The following CLN8 variants were observed in gnomAD, a reference collection of about 807,000 sequenced individuals.
The protein encoded by CLN8 is CLN8 transmembrane ER and ERGIC protein, also known as protein CLN8.
CLN8 carries 14 observed loss-of-function variants against 15.7 expected under a neutral mutation model. That is an observed-to-expected ratio of 0.89 (90% CI 0.59 to 1.39). The LOEUF is 1.39. Among genes scored for constraint, CLN8 ranks in the 40% most tolerant of loss-of-function variants. The pLI is 0.00. For synonymous variants in CLN8, 188 were observed against 151.0 expected (o/e 1.25, Z -1.80); for missense variants, 415 against 364.0 (o/e 1.14, Z -1.14).
chr8:1,769,179 T>C lies in CLN8; in HGVS notation c.-123-1753T>C, dbSNP rs138421007. Among the ~76,000 whole-genome samples the C allele has an allele frequency of 8.8e-4, 134 of 152,310 alleles. 1 individual carries two copies. The highest frequency in any genetic ancestry group is 3.0e-3 in the African/African-American group (125 of 41,576). On this transcript the variant is annotated intron_variant, in intron 1 of 2. Coordinates refer to ENST00000331222, the MANE Select transcript of CLN8 (RefSeq NM_018941.4). ...AACTCTTGTACTATTTTGCCTTTGA[T>C]TATAGACCATTATCAAAGCAAGAGG...
rs142939099 is a variant in CLN8 at position 1,777,682 on chromosome 8, A to G, written c.544-2568A>G. Among the ~76,000 whole-genome samples the G allele has an allele frequency of 2.1e-3, 318 of 152,266 alleles. 1 individual carries two copies. Among genetic ancestry groups the G allele is most frequent in the African/African-American group, 7.2e-3 (300 of 41,556 alleles). On this transcript the variant is annotated intron_variant, in intron 2 of 2. Transcript: ENST00000331222. ...CATTCATCCAGCCCTGCACAGGGTC[A>G]GGATCATCCATATCACTGTCTTCCA...
chr8:1,766,470 C>T (rs546835253), intron 1 of CLN8, among the ~76,000 whole-genome samples: 208 of 149,780 alleles, frequency 1.4e-3, no homozygotes, highest in African/African-American at 5.0e-3. Context: ...GCTCACTGCA[C>T]GTTCCGCCTT....
At chr8:1,762,125 ACT>A (rs1800812513), upstream of CLN8, 1 of 152,224 alleles carries the variant, frequency 6.6e-6, no homozygotes, top group African/African-American at 2.4e-5. Flanking sequence ...CAGATCTCTC[ACT>A]GTCTCAGTTA....
chr8:1,755,236 A>G (rs1800640929), upstream of CLN8, among the ~76,000 whole-genome samples: 1 of 152,208 alleles, frequency 6.6e-6, no homozygotes, highest in Non-Finnish European at 1.5e-5. Context: ...GACATAGACT[A>G]ACAGATGGGT....
Position 1,780,944 on chromosome 8 carries a change from C to G in CLN8, c.*377C>G, listed in dbSNP as rs1801696804. ...GCGGGTGGGTCAGCGTTGACTCTTTCCAGCTGCACACTCATATGCCGTGTG... is the reference window on the plus strand; with the variant it reads ...GCGGGTGGGTCAGCGTTGACTCTTTGCAGCTGCACACTCATATGCCGTGTG... On this transcript the variant is annotated 3_prime_UTR_variant, in exon 3 of 3. Coordinates refer to ENST00000331222, the MANE Select transcript of CLN8 (RefSeq NM_018941.4). 2 of 308,398 alleles carry G rather than the reference C, an allele frequency of 6.5e-6. No individual in the cohort carries two copies. Among genetic ancestry groups the G allele is most frequent in the African/African-American group, 2.1e-5 (1 of 46,944 alleles). 19.1% of individuals were successfully genotyped at this position (308,398 alleles called of 1,614,324 possible).
In CLN8 at chr8:1,786,286, C is replaced by G. The variant is rs3812477; in HGVS notation, c.*5719C>G. On this transcript the variant is annotated 3_prime_UTR_variant, in exon 3 of 3. Transcript: ENST00000331222. ...AGCCTTGTCACAGATGCATCGCCCA[C>G]CCTGCGGTCCTGATTTCAGCTCACC... 106,995 of 152,116 alleles carry G rather than the reference C, an allele frequency of 0.7. 37,928 individuals are homozygous for G. The highest frequency in any genetic ancestry group is 0.78 in the South Asian group (3,773 of 4,830). 9.4% of individuals were successfully genotyped at this position (152,116 alleles called of 1,614,324 possible).
chr8:1,767,197 G>A (rs756479001), intron 1 of CLN8, among the ~76,000 whole-genome samples: 5 of 152,334 alleles, frequency 3.3e-5, no homozygotes, highest in Non-Finnish European at 5.9e-5. Context: ...AGTTAGACTA[G>A]AACAGCACCA....
In CLN8 at chr8:1,780,591, C is replaced by T. The variant is rs201638390; in HGVS notation, c.*24C>T. Reference sequence around the variant, plus strand: ...AGCTGCTCCAGCCGGGGCTCCGGGGCGGCAGCAGAGCTGGCACACCGATTC... The same window carrying T: ...AGCTGCTCCAGCCGGGGCTCCGGGGTGGCAGCAGAGCTGGCACACCGATTC... On this transcript the variant is annotated 3_prime_UTR_variant, in exon 3 of 3. Transcript: ENST00000331222. The T allele has an allele frequency of 7.1e-4, 1,149 of 1,608,992 alleles. 4 individuals carry two copies. The highest frequency in any genetic ancestry group is 3.1e-3 in the South Asian group (282 of 90,998).
At chr8:1,770,743 C>G (rs537628395) in intron 1 of CLN8, among the ~76,000 whole-genome samples, 189 bp from the exon 2 acceptor site, 1 of 152,246 alleles carries the variant, frequency 6.6e-6, no homozygotes, top group African/African-American at 2.4e-5. Flanking sequence ...ACCGCTCTAG[C>G]TTTAGTTTCA....
chr8:1,761,977 G>A (rs971577431), upstream of CLN8: 3 of 152,186 alleles, frequency 2.0e-5, no homozygotes, highest in Middle Eastern at 3.2e-3. Context: ...GTCCTACAAA[G>A]GCAGTCTAGT....
chr8:1,772,869 A>C (rs776352657), intron 2 of CLN8: 2 of 398,356 alleles, frequency 5.0e-6, no homozygotes, highest in Non-Finnish European at 8.8e-6. Flanking sequence ...AGATCCTGCA[A>C]ATGTTCAGCC....
At chr8:1,768,462 C>A (rs1348659208) in intron 1 of CLN8, among the ~76,000 whole-genome samples, 1 of 152,148 alleles carries the variant, frequency 6.6e-6, no homozygotes, top group African/African-American at 2.4e-5. Context: ...TCTCTCGTCT[C>A]AAGGCAGAGG....
chr8:1,784,745 G>C lies in CLN8; in HGVS notation c.*4178G>C, dbSNP rs1801787947. On this transcript the variant is annotated 3_prime_UTR_variant, in exon 3 of 3. Transcript: ENST00000331222. ...GCCAGGCAGGGCCCTGCAGGGGACAGACCCAAGGGCTGATATGGGGACACC... is the reference window on the plus strand; with the variant it reads ...GCCAGGCAGGGCCCTGCAGGGGACACACCCAAGGGCTGATATGGGGACACC... 6.6e-6 allele frequency: 1 copy of C among 152,620 alleles called. No homozygotes were observed. The highest frequency in any genetic ancestry group is 2.4e-5 in the African/African-American group (1 of 41,448). The allele number at this position is 152,620 out of a possible 1,614,324, so 9.5% of individuals were successfully genotyped here. A position where few individuals can be genotyped will look rare whatever the true frequency, so the allele number is the denominator to read the frequency against.
chr8:1,755,428 C>T (rs1008335334), upstream of CLN8, among the ~76,000 whole-genome samples: 5 of 152,180 alleles, frequency 3.3e-5, no homozygotes, highest in African/African-American at 1.2e-4. Flanking sequence ...CTCAGTGGCC[C>T]CACACAGACC....
intron 2 of CLN8, among the ~76,000 whole-genome samples, chr8:1,773,235 C>T (rs1801384344): frequency 6.6e-6 from 1 of 152,130 alleles, no homozygotes; most frequent in Non-Finnish European, 1.5e-5. Flanking sequence ...GCAGGAGGAG[C>T]AGGTGAGCAC....
chr8:1,754,344 A>T (rs1274023868), upstream of CLN8, among the ~76,000 whole-genome samples: 4 of 152,114 alleles, frequency 2.6e-5, no homozygotes, highest in Admixed American at 1.3e-4. Context: ...GCATTACACC[A>T]TTGGCTTTAG....
chr8:1,764,798 G>T (rs1800981528), intron 1 of CLN8: 1 of 152,352 alleles, frequency 6.6e-6, no homozygotes, highest in Non-Finnish European at 1.5e-5. Flanking sequence ...TCCCCAGCCT[G>T]TGTAGATTCT....
upstream of CLN8, chr8:1,762,607 A>G (rs1271982033): frequency 6.6e-6 from 1 of 152,224 alleles, no homozygotes; most frequent in Admixed American, 6.5e-5. Flanking sequence ...ATGAATGTCA[A>G]CGTTTTCCCA....
intron 1 of CLN8, among the ~76,000 whole-genome samples, chr8:1,769,768 G>T (rs1437654309): frequency 6.6e-6 from 1 of 152,214 alleles, no homozygotes; most frequent in African/African-American, 2.4e-5. Context: ...CTTTCAGCAT[G>T]ATTCAGCATC....
Sources: gnomAD v4.1 joint callset for allele counts (sites outside exome capture counted in the v4.1 genomes callset) on GRCh38, gnomAD v4.1.1 for gene constraint, MANE v1.5 for transcripts, NCBI Gene and HGNC (gene_info 2026-07-23, HGNC 2026-07-21) for gene names.